GAD2: variants seen among roughly 807,000 people sequenced by gnomAD.
The protein encoded by GAD2 is 65 kDa glutamic acid decarboxylase.
A neutral mutation model predicts 80.1 loss-of-function variants in GAD2; 22 were observed. The observed-to-expected ratio is 0.27, with a 90% CI of 0.20 to 0.39. The LOEUF (loss-of-function observed/expected upper bound fraction) is 0.39. GAD2 is among the 10% of genes least tolerant of loss of function. The pLI, the probability that GAD2 is intolerant of heterozygous loss-of-function variation, is 1.00. For synonymous variants in GAD2, 274 were observed against 256.9 expected, an observed-to-expected ratio of 1.07 and a Z score of -0.64; for missense variants, 624 against 738.4, an observed-to-expected ratio of 0.85 and a Z score of 1.80.
intron 4 of GAD2, among the ~76,000 whole-genome samples, chr10:26,221,050 T>C (rs1213548989): frequency 1.3e-5 from 2 of 152,232 alleles, no homozygotes; most frequent in Non-Finnish European, 2.9e-5. Context: ...ATAGTTTTCA[T>C]AACATATTTA....
intron 8 of GAD2, among the ~76,000 whole-genome samples, chr10:26,259,657 T>G (rs1052207107): frequency 6.6e-6 from 1 of 152,196 alleles, no homozygotes; most frequent in East Asian, 1.9e-4. Flanking sequence ...TCTGTGAGTT[T>G]CCTTCTTACT....
chr10:26,250,482 C>T (rs1844865920), intron 8 of GAD2, among the ~76,000 whole-genome samples: 1 of 151,992 alleles, frequency 6.6e-6, no homozygotes, highest in Non-Finnish European at 1.5e-5. Flanking sequence ...TCCCTTTGTG[C>T]TCATAAGCTT....
At chr10:26,279,113 G>A (rs1845244412) in intron 11 of GAD2, among the ~76,000 whole-genome samples, 2 of 152,038 alleles carry the variant, frequency 1.3e-5, no homozygotes, top group South Asian at 2.1e-4. Flanking sequence ...GGAGACAAGC[G>A]TAGAGGCTCA....
intron 7 of GAD2, among the ~76,000 whole-genome samples, chr10:26,230,273 G>A (rs1282089418): frequency 6.6e-6 from 1 of 152,202 alleles, no homozygotes; most frequent in Non-Finnish European, 1.5e-5. Context: ...AGGGGAAGAG[G>A]AGGGAAGGCA....
At chr10:26,218,031 T>A in intron 3 of GAD2, 40 bp downstream of exon 3, 6 of 1,555,164 alleles carry the variant, frequency 3.9e-6, no homozygotes, top group Non-Finnish European at 5.2e-6. Context: ...CCCCTGCCCC[T>A]CTCTCTGCCC....
chr10:26,216,684 C>T (rs985502526), upstream of GAD2: 3 of 594,792 alleles, frequency 5.0e-6, no homozygotes, highest in Middle Eastern at 4.7e-4. This position sits in a 1 kb window ranked among gnomAD's most constrained non-coding sequence, Gnocchi z 4.7. Flanking sequence ...CGCCGCTCGG[C>T]CCCGCCGGTC....
At chr10:26,249,108 G>C (rs1288437023) in intron 8 of GAD2, among the ~76,000 whole-genome samples, 1 of 152,186 alleles carries the variant, frequency 6.6e-6, no homozygotes, top group Non-Finnish European at 1.5e-5. Context: ...TGTTGCCCAG[G>C]CTGGAGTGCA....
In GAD2 at chr10:26,224,171, C is replaced by T. The variant is rs572128714; in HGVS notation, c.611+194C>T. On this transcript the variant is annotated intron_variant, in intron 5 of 15. Coordinates refer to ENST00000376261, the MANE Select transcript of GAD2 (RefSeq NM_001134366.2). ...ACATCTTCCATGTAATCAAACTCTA[C>T]AAAATTTTTAAAATACAAAAGAGAC... is the stretch of plus-strand genomic sequence containing the variant. 2.6e-5 allele frequency among the ~76,000 whole-genome samples: 4 copies of T among 151,564 alleles called. No homozygotes were observed. The East Asian group carries it at 7.7e-4, about 29-fold the overall frequency.
At chr10:26,261,976 GA>G (rs1845014400) in intron 8 of GAD2, among the ~76,000 whole-genome samples, 3 of 152,104 alleles carry the variant, frequency 2.0e-5, no homozygotes. Context: ...GATGCAATGC[GA>G]ATCTTGAATT....
intron 8 of GAD2, among the ~76,000 whole-genome samples, chr10:26,261,706 G>A (rs1845010287): frequency 6.6e-6 from 1 of 152,072 alleles, no homozygotes; most frequent in Admixed American, 6.6e-5. Flanking sequence ...TGTTTTTATC[G>A]TGTTAAGAAA....
chr10:26,234,393 A>G (rs1238979221), intron 7 of GAD2, among the ~76,000 whole-genome samples: 1 of 151,996 alleles, frequency 6.6e-6, no homozygotes, highest in Admixed American at 6.6e-5. Flanking sequence ...CAAGCCCCAG[A>G]GGTGGGGGAT....
chr10:26,254,194 G>A (rs747398646), intron 8 of GAD2, among the ~76,000 whole-genome samples: 7 of 152,078 alleles, frequency 4.6e-5, no homozygotes, highest in East Asian at 1.9e-4. Flanking sequence ...ACGCCAGCAC[G>A]CCTGGCTAAT....
intron 12 of GAD2, 31 bp downstream of exon 12, chr10:26,281,118 C>T (rs768917064): frequency 1.3e-5 from 19 of 1,498,000 alleles, no homozygotes; most frequent in East Asian, 2.3e-5. Context: ...TGTCCCAGTC[C>T]GTGCGTGGGC....
intron 15 of GAD2, among the ~76,000 whole-genome samples, chr10:26,295,320 A>G (rs1052283557): frequency 6.6e-6 from 1 of 152,160 alleles, no homozygotes; most frequent in Admixed American, 6.5e-5. Context: ...TTTTTCTCCA[A>G]TTTTATTACT....
intron 7 of GAD2, among the ~76,000 whole-genome samples, chr10:26,236,322 T>C (rs2132280674): frequency 6.9e-6 from 1 of 145,596 alleles, no homozygotes; most frequent in East Asian, 2.0e-4. Flanking sequence ...TTTTTTGAGA[T>C]GGAGTCTCAC....
chr10:26,281,047 G>C lies in GAD2; in HGVS notation c.1196G>C (p.Gly399Ala), dbSNP rs1404877595. ...SVTWNPHKMMGVPLQCSALLV... is the reference protein window; with the variant it reads ...SVTWNPHKMMAVPLQCSALLV... ...ACGTGGAATCCACACAAGATGATGG[G>C]AGTCCCTTTGCAGTGCTCTGCTCTC... The change falls in exon 12 of 16, where the codon GGA (glycine) becomes GCA (alanine). Residue 399 changes from glycine (G) to alanine (A), a missense_variant. By Grantham distance (60) the Gly-to-Ala change is moderately conservative. Coordinates refer to ENST00000376261, the MANE Select transcript of GAD2 (RefSeq NM_001134366.2). 1 of 1,613,774 alleles carries C rather than the reference G, an allele frequency of 6.2e-7. No homozygotes were observed. The highest frequency in any genetic ancestry group is 8.5e-7 in the Non-Finnish European group (1 of 1,179,800).
At chr10:26,276,704 C>T (rs988408916) in intron 11 of GAD2, among the ~76,000 whole-genome samples, 6 of 152,180 alleles carry the variant, frequency 3.9e-5, no homozygotes, top group Admixed American at 6.5e-5. Flanking sequence ...ATCAGACTGA[C>T]GCGTCTTTAG....
rs116295900 is a variant in GAD2, at chr10:26,299,926, T to C, written c.1585-862T>C. 4.8e-3 allele frequency among the ~76,000 whole-genome samples: 726 copies of C among 152,232 alleles called. 5 individuals are homozygous for C. The highest frequency in any genetic ancestry group is 0.017 in the African/African-American group (698 of 41,542). On this transcript the variant is annotated intron_variant, in intron 15 of 15. Transcript: ENST00000376261. ...CTAAGCACAGAGAACAAGTATGACA[T>C]AGTAACACTGATGACAAGTGTGAAG...
rs1287107781 is a variant in GAD2, at chr10:26,230,994, G to A, written c.840+1217G>A. On this transcript the variant is annotated intron_variant, in intron 7 of 15. Transcript: ENST00000376261. Reference sequence around the variant, plus strand: ...AATCCCAGCTACTCAGGAGGCTGAGGCAGGAGAATCACTTGAACCGAGGAG... The same window carrying A: ...AATCCCAGCTACTCAGGAGGCTGAGACAGGAGAATCACTTGAACCGAGGAG... 3.3e-5 allele frequency among the ~76,000 whole-genome samples: 5 copies of A among 152,124 alleles called. No homozygotes were observed. The South Asian group carries it at 1.0e-3, about 32-fold the overall frequency.
Sources: allele counts gnomAD v4.1 joint callset (sites outside exome capture counted in the v4.1 genomes callset), GRCh38; gene constraint gnomAD v4.1.1; non-coding constraint Gnocchi (gnomAD v3.1); transcripts MANE v1.5; gene names NCBI Gene and HGNC (gene_info 2026-07-23, HGNC 2026-07-21).